Variants in PRKN observed in about 807,000 individuals in gnomAD.
PRKN encodes the protein parkin RBR E3 ubiquitin protein ligase, also known as E3 ubiquitin-protein ligase parkin.
A neutral mutation model predicts 59.5 loss-of-function variants in PRKN; 56 were observed. The observed-to-expected ratio is 0.94, with a 90% CI of 0.76 to 1.18. The LOEUF is 1.18. PRKN is among the 50% of genes most tolerant of loss of function. The pLI is 0.00. For missense variants in PRKN, 657 were observed against 596.4 expected, an observed-to-expected ratio of 1.10 and a Z score of -1.06; for synonymous variants, 250 against 222.1, an observed-to-expected ratio of 1.13 and a Z score of -1.12.
chr6:162,373,101 T>A (rs1785859342), intron 2 of PRKN, among the ~76,000 whole-genome samples: 1 of 152,140 alleles, frequency 6.6e-6, no homozygotes, highest in African/African-American at 2.4e-5. Context: ...TACATTTACC[T>A]ACCACAACTA....
intron 1 of PRKN, among the ~76,000 whole-genome samples, chr6:162,575,674 G>A (rs1298114738): frequency 6.6e-6 from 1 of 152,072 alleles, no homozygotes; most frequent in Non-Finnish European, 1.5e-5. Context: ...CCACAACTGA[G>A]CCTGTCATCA....
At chr6:162,534,317 C>A (rs1254378264) in intron 1 of PRKN, among the ~76,000 whole-genome samples, 1 of 152,102 alleles carries the variant, frequency 6.6e-6, no homozygotes, top group Non-Finnish European at 1.5e-5. Flanking sequence ...CCTGCTGGTA[C>A]CTCTGTCCCC....
At chr6:161,720,771 T>A (rs1333645384) in intron 7 of PRKN, among the ~76,000 whole-genome samples, 2 of 133,828 alleles carry the variant, frequency 1.5e-5, no homozygotes, top group Admixed American at 6.7e-5. Context: ...AAACTATTTT[T>A]TTTTTTTTAA....
At chr6:162,170,363 G>C (rs984634707) in intron 4 of PRKN, among the ~76,000 whole-genome samples, 2 of 152,134 alleles carry the variant, frequency 1.3e-5, no homozygotes, top group African/African-American at 4.8e-5. Context: ...AAGTTCACTT[G>C]AGCAGCATTT....
intron 4 of PRKN, among the ~76,000 whole-genome samples, chr6:162,132,981 G>A (rs896365469): frequency 3.3e-5 from 5 of 152,300 alleles, no homozygotes; most frequent in African/African-American, 9.6e-5. Context: ...CCACAGCACC[G>A]TGGCCATTGT....
Position 162,182,386 on chromosome 6 carries a change from A to G in PRKN, c.534+18745T>C, listed in dbSNP as rs141202575. On this transcript the variant is annotated intron_variant, in intron 4 of 11. Transcript: ENST00000366898. ...TAATAGAATTTTATATTACACGTAG[A>G]AGCGTCTCAGCCTGAGGACAAGTGG... is the stretch of plus-strand genomic sequence containing the variant. Among the ~76,000 whole-genome samples, 882 of 152,322 alleles carry G rather than the reference A, an allele frequency of 5.8e-3. 12 individuals carry two copies. The highest frequency in any genetic ancestry group is 0.02 in the African/African-American group (847 of 41,574).
intron 4 of PRKN, among the ~76,000 whole-genome samples, chr6:162,117,837 C>T (rs1480076262): frequency 6.6e-6 from 1 of 152,196 alleles, no homozygotes; most frequent in East Asian, 1.9e-4. Context: ...TGGCTCATGC[C>T]TATAATCCCA....
At chr6:161,789,973 G>T (rs533824218) in intron 6 of PRKN, among the ~76,000 whole-genome samples, 95 of 152,156 alleles carry the variant, frequency 6.2e-4, no homozygotes, top group African/African-American at 2.2e-3. Flanking sequence ...AATGCATGTG[G>T]ACTACAGCAC....
intron 8 of PRKN, among the ~76,000 whole-genome samples, chr6:161,565,503 G>A (rs141341006): frequency 4.6e-5 from 7 of 152,078 alleles, no homozygotes; most frequent in Non-Finnish European, 8.8e-5. Flanking sequence ...TGGTGTTCTC[G>A]TGATGGTGAA....
intron 7 of PRKN, among the ~76,000 whole-genome samples, chr6:161,732,681 A>T (rs970004134): frequency 6.6e-6 from 1 of 152,206 alleles, no homozygotes; most frequent in African/African-American, 2.4e-5. Context: ...TTTGCTTAGG[A>T]TAATGGCCGT....
rs558489290 is a variant in PRKN, at chr6:162,324,960, T to G, written c.172-62195A>C. Among the ~76,000 whole-genome samples, 97 of 152,254 alleles carry G rather than the reference T, an allele frequency of 6.4e-4. 1 individual carries two copies. Among genetic ancestry groups the G allele is most frequent in the Non-Finnish European group, 1.2e-3 (82 of 68,014 alleles). Reference sequence around the variant, plus strand: ...ACAAAACAAAACAAAATTACTACTGTTGCTTTAATCCACTGGGTGATTTCC... The same window carrying G: ...ACAAAACAAAACAAAATTACTACTGGTGCTTTAATCCACTGGGTGATTTCC... On this transcript the variant is annotated intron_variant, in intron 2 of 11. Coordinates refer to ENST00000366898, the MANE Select transcript of PRKN (RefSeq NM_004562.3).
At chr6:162,068,816 G>GTGTAC (rs1234851195) in intron 4 of PRKN, among the ~76,000 whole-genome samples, 2 of 151,104 alleles carry the variant, frequency 1.3e-5, no homozygotes, top group Non-Finnish European at 2.9e-5. Context: ...GCATGTACAG[G>GTGTAC]AGGTGGTGGG....
At chr6:162,058,068 T>C (rs1777937993) in intron 4 of PRKN, among the ~76,000 whole-genome samples, 1 of 152,238 alleles carries the variant, frequency 6.6e-6, no homozygotes, top group African/African-American at 2.4e-5. Flanking sequence ...TGATTTGTTC[T>C]ACCTTTACGG....
chr6:161,602,342 T>C (rs144027658), intron 7 of PRKN, among the ~76,000 whole-genome samples: 1 of 152,322 alleles, frequency 6.6e-6, no homozygotes, highest in East Asian at 1.9e-4. Flanking sequence ...AAAAAAACCT[T>C]CCACAGAAAT....
chr6:161,930,942 C>T (rs1345802167), intron 6 of PRKN, among the ~76,000 whole-genome samples: 2 of 152,160 alleles, frequency 1.3e-5, no homozygotes, highest in Admixed American at 1.3e-4. Flanking sequence ...ATGGACTCTC[C>T]CTGAGAGCTT....
At chr6:162,088,236 C>G (rs1385625442) in intron 4 of PRKN, among the ~76,000 whole-genome samples, 1 of 152,154 alleles carries the variant, frequency 6.6e-6, no homozygotes, top group African/African-American at 2.4e-5. Context: ...CTGAAAGTTT[C>G]TGAAGATTCT....
chr6:161,422,683 T>C (rs1489394130), intron 9 of PRKN, among the ~76,000 whole-genome samples: 5 of 148,194 alleles, frequency 3.4e-5, no homozygotes, highest in Non-Finnish European at 6.0e-5. Context: ...TAGAGGAAAA[T>C]AGGAAGGAAA....
chr6:162,715,792 C>A (rs1778698292), intron 1 of PRKN, among the ~76,000 whole-genome samples: 1 of 152,194 alleles, frequency 6.6e-6, no homozygotes, highest in Non-Finnish European at 1.5e-5. Flanking sequence ...TCCATCCCGT[C>A]AACTACTCAT....
intron 3 of PRKN, among the ~76,000 whole-genome samples, chr6:162,259,279 C>G (rs747251095): frequency 6.6e-6 from 1 of 152,188 alleles, no homozygotes; most frequent in African/African-American, 2.4e-5. Context: ...TCCCACCCAG[C>G]GTCCGATTGT....
Sources: gnomAD v4.1 joint callset for allele counts (sites outside exome capture counted in the v4.1 genomes callset) on GRCh38, gnomAD v4.1.1 for gene constraint, MANE v1.5 for transcripts, NCBI Gene and HGNC (gene_info 2026-07-23, HGNC 2026-07-21) for gene names.